The following UGT2B7 variants were observed in gnomAD, a reference collection of about 807,000 sequenced individuals.
UGT2B7 encodes UDP glucuronosyltransferase family 2 member B7, also known as UDP-glucuronosyltransferase 2B7.
Under a neutral mutation model 51.9 loss-of-function variants are expected in UGT2B7, and 51 were observed. The ratio of observed to expected loss-of-function variants is 0.98; its 90% confidence interval spans 0.78 to 1.24. The LOEUF is 1.24. Ranked by LOEUF, UGT2B7 falls within the 50% of genes most tolerant of loss-of-function variation. UGT2B7 has a pLI of 0.00. For synonymous variants in UGT2B7, 225 were observed against 211.6 expected (o/e 1.06, Z -0.55); for missense variants, 727 against 628.4 (o/e 1.16, Z -1.68).
At chr4:69,060,107 G>T (rs535282723) in intron 1 of UGT2B7, among the ~76,000 whole-genome samples, 1 of 152,180 alleles carries the variant, frequency 6.6e-6, no homozygotes, top group African/African-American at 2.4e-5. Flanking sequence ...ACTGTGTCTT[G>T]CTCCAGTACA....
At chr4:69,065,092 A>G (rs1289733255) in intron 1 of UGT2B7, among the ~76,000 whole-genome samples, 2 of 152,136 alleles carry the variant, frequency 1.3e-5, no homozygotes, top group Non-Finnish European at 2.9e-5. Context: ...CACAATAAGT[A>G]GGTATCGAAA....
chr4:69,069,518 A>G (rs1359134076), intron 1 of UGT2B7: 1 of 152,130 alleles, frequency 6.6e-6, no homozygotes, highest in Non-Finnish European at 1.5e-5. Context: ...ACTATGAAAT[A>G]AAATATTTTA....
rs769560693 is a variant in UGT2B7 at position 69,097,169 on chromosome 4, G to C, written c.649G>C (p.Val217Leu). The C allele has an allele frequency of 6.2e-7, 1 of 1,613,268 alleles. No homozygotes were observed. Among genetic ancestry groups the C allele is most frequent in the Admixed American group, 1.7e-5 (1 of 59,876 alleles). The change falls in exon 1 of 6, where the codon GTG (valine) becomes CTG (leucine). Residue 217 changes from valine to leucine, a missense_variant. Val to Leu is a conservative substitution (Grantham distance 32). Transcript: ENST00000305231. ...FMERVKNMIY[V>L]LYFDFWFEIF... ...GGAGAGGGTAAAAAATATGATCTAT[G>C]TGCTTTACTTTGACTTTTGGTTCGA... is the stretch of plus-strand genomic sequence containing the variant.
upstream of UGT2B7, chr4:69,096,370 A>T (rs750788196): frequency 8.0e-7 from 1 of 1,246,832 alleles, no homozygotes; most frequent in Non-Finnish European, 1.1e-6. Context: ...TTTGCCATCC[A>T]CATGCTCAGA....
At chr4:69,107,044 T>C in intron 3 of UGT2B7, 131 bp from the exon 4 acceptor site, 2 of 999,546 alleles carry the variant, frequency 2.0e-6, no homozygotes, top group Non-Finnish European at 1.4e-6. Context: ...GAGTATTCTA[T>C]TTACATTAGT....
chr4:69,105,186 A>G (rs909307711), intron 3 of UGT2B7, among the ~76,000 whole-genome samples: 1 of 152,196 alleles, frequency 6.6e-6, no homozygotes, highest in Non-Finnish European at 1.5e-5. Context: ...TGGAGGAAGC[A>G]GAAGGAAATA....
chr4:69,064,072 G>GAA, intron 1 of UGT2B7, among the ~76,000 whole-genome samples: 1 of 104,754 alleles, frequency 9.5e-6, no homozygotes, highest in Non-Finnish European at 1.8e-5. Flanking sequence ...AAGAAAGAAA[G>GAA]AAAGAAAGAA....
intron 5 of UGT2B7, among the ~76,000 whole-genome samples, chr4:69,109,116 TA>T (rs1719698781): frequency 6.6e-6 from 1 of 152,182 alleles, no homozygotes; most frequent in Non-Finnish European, 1.5e-5. Context: ...AGCAGTTTAA[TA>T]TTTTTTAGTA....
intron 1 of UGT2B7, among the ~76,000 whole-genome samples, chr4:69,079,520 A>G (rs1718788609): frequency 2.0e-5 from 3 of 152,194 alleles, no homozygotes; most frequent in Non-Finnish European, 2.9e-5. Context: ...TTCATTTTTC[A>G]CAACATAGCA....
At chr4:69,062,725 T>C (rs1483989413) in intron 1 of UGT2B7, among the ~76,000 whole-genome samples, 2 of 152,156 alleles carry the variant, frequency 1.3e-5, no homozygotes, top group African/African-American at 4.8e-5. Flanking sequence ...AGTCTATGCA[T>C]GGTGGAAGCT....
intron 2 of UGT2B7, among the ~76,000 whole-genome samples, chr4:69,090,690 T>C (rs1295905975): frequency 6.6e-6 from 1 of 152,112 alleles, no homozygotes; most frequent in Admixed American, 6.6e-5. Flanking sequence ...CAAGATGAGA[T>C]TTTGGCGGGG....
At chr4:69,087,987 A>G (rs923697066) in intron 1 of UGT2B7, among the ~76,000 whole-genome samples, 51 of 151,978 alleles carry the variant, frequency 3.4e-4, no homozygotes, top group African/African-American at 1.2e-3. Flanking sequence ...TAGATTTACA[A>G]AATGTTCCAT....
At chr4:69,086,305 C>T (rs1006116930) in intron 1 of UGT2B7, among the ~76,000 whole-genome samples, 1 of 151,562 alleles carries the variant, frequency 6.6e-6, no homozygotes, top group African/African-American at 2.4e-5. Context: ...CATATTCTTT[C>T]TTTTATTGAT....
At chr4:69,103,769 G>A (rs1251741175) in intron 3 of UGT2B7, among the ~76,000 whole-genome samples, 5 of 152,130 alleles carry the variant, frequency 3.3e-5, no homozygotes, top group Non-Finnish European at 7.4e-5. Context: ...GAATGTTTAC[G>A]ATTATGGGAT....
At chr4:69,063,315 T>G in intron 1 of UGT2B7, among the ~76,000 whole-genome samples, 2 of 27,872 alleles carry the variant, frequency 7.2e-5, no homozygotes, top group Admixed American at 5.8e-4. Context: ...CGAGACTCCG[T>G]CTCAAAAAAA....
intron 2 of UGT2B7, among the ~76,000 whole-genome samples, chr4:69,098,959 T>C (rs942119810): frequency 6.6e-6 from 1 of 151,850 alleles, no homozygotes; most frequent in Non-Finnish European, 1.5e-5. Context: ...CCTAAGAAGG[T>C]ATTGGTCATC....
chr4:69,074,427 A>ATATATATATATATATATATATATAT (rs1718660162), intron 1 of UGT2B7, among the ~76,000 whole-genome samples: 10 of 116,082 alleles, frequency 8.6e-5, no homozygotes, highest in African/African-American at 3.3e-4. Context: ...CCTTATCTTA[A>ATATATATATATATATATATATATAT]ATATATATAT....
At chr4:69,061,965 T>A (rs1055347975) in intron 1 of UGT2B7, among the ~76,000 whole-genome samples, 3 of 152,184 alleles carry the variant, frequency 2.0e-5, no homozygotes, top group Non-Finnish European at 4.4e-5. Context: ...GAAGGTATTG[T>A]TAAGAGACAT....
At position 69,112,836 on chromosome 4, in the gene UGT2B7, C is replaced by CAAA. The variant is rs57075995; in HGVS notation, c.*111_*113dup. The CAAA allele has an allele frequency of 4.1e-4, 436 of 1,056,820 alleles. No individual in the cohort carries two copies. The highest frequency in any genetic ancestry group is 1.3e-3 in the African/African-American group (75 of 55,818). 65.5% of individuals were successfully genotyped at this position (1,056,820 alleles called of 1,614,324 possible). Reference sequence around the variant, plus strand: ...ATGCAAGATTTCTTTCTTCCTGAGACAAAAAAAAAAAAAGAAAAAAAAATC... The same window carrying CAAA: ...ATGCAAGATTTCTTTCTTCCTGAGACAAAAAAAAAAAAAAAAGAAAAAAAAATC... On this transcript the variant is annotated 3_prime_UTR_variant, in exon 6 of 6. Transcript: ENST00000305231.
Sources: allele counts gnomAD v4.1 joint callset (sites outside exome capture counted in the v4.1 genomes callset), GRCh38; gene constraint gnomAD v4.1.1; transcripts MANE v1.5; gene names NCBI Gene and HGNC (gene_info 2026-07-23, HGNC 2026-07-21).